Variants in SUFU observed in about 807,000 individuals in gnomAD.
SUFU encodes SUFU negative regulator of hedgehog signaling, also known as suppressor of fused homolog.
Under a neutral mutation model 58.9 loss-of-function variants are expected in SUFU, and 7 were observed. That is an observed-to-expected ratio of 0.12 (90% CI 0.07 to 0.22). The LOEUF (loss-of-function observed/expected upper bound fraction) is 0.22. Ranked by LOEUF, SUFU falls within the 10% of genes least tolerant of loss-of-function variation. The pLI is 1.00. For synonymous variants in SUFU, 232 were observed against 254.8 expected (o/e 0.91, Z 0.85); for missense variants, 451 against 641.3 (o/e 0.70, Z 3.20).
At chr10:102,610,123 TCC>T (rs2063606926) in intron 8 of SUFU, among the ~76,000 whole-genome samples, 1 of 152,102 alleles carries the variant, frequency 6.6e-6, no homozygotes, top group South Asian at 2.1e-4. Context: ...ACACCTGTAA[TCC>T]CAGCACTTTG....
At chr10:102,560,080 G>T (rs553239482) in intron 3 of SUFU, among the ~76,000 whole-genome samples, 1 of 152,266 alleles carries the variant, frequency 6.6e-6, no homozygotes, top group Non-Finnish European at 1.5e-5. Context: ...TGCTAACAGA[G>T]ATTTTTTTTT....
intron 3 of SUFU, among the ~76,000 whole-genome samples, chr10:102,583,047 G>A (rs11591571): frequency 0.26 from 39,760 of 152,036 alleles, 5,737 homozygotes; most frequent in South Asian, 0.35. Context: ...CTCTGAAGGG[G>A]CCAAGAGCTT....
At chr10:102,568,909 TATATATATATA>T (rs2063127012) in intron 3 of SUFU, among the ~76,000 whole-genome samples, 1 of 8,702 alleles carries the variant, frequency 1.1e-4, no homozygotes, top group Non-Finnish European at 2.7e-4. Context: ...TATATATATA[TATATATATATA>T]CACATATATA....
chr10:102,587,890 G>T (rs1340125857), intron 3 of SUFU, among the ~76,000 whole-genome samples: 3 of 152,116 alleles, frequency 2.0e-5, no homozygotes, highest in Non-Finnish European at 4.4e-5. Flanking sequence ...CCTAATCCAA[G>T]GTCAAAAGAT....
At chr10:102,568,962 A>C (rs11593710) in intron 3 of SUFU, among the ~76,000 whole-genome samples, 30,384 of 78,570 alleles carry the variant, frequency 0.39, 7,177 homozygotes, top group Middle Eastern at 0.55. Flanking sequence ...ATATATATAT[A>C]TCTATAGCAG....
At position 102,593,986 on chromosome 10, in the gene SUFU, T is replaced by TC. The variant is rs1319999296; in HGVS notation, c.684-5dup. On this transcript the variant is annotated splice_region_variant and splice_polypyrimidine_tract_variant and intron_variant, in intron 5 of 11. Transcript: ENST00000369902. Reference sequence around the variant, plus strand: ...GTTACCATTGTATCCCCTTTCCTTGTCCACAGTGCTGGCGGCCCCTGGCTG... The same window carrying TC: ...GTTACCATTGTATCCCCTTTCCTTGTCCCACAGTGCTGGCGGCCCCTGGCTG... 1 of 1,614,144 alleles carries TC rather than the reference T, an allele frequency of 6.2e-7. No homozygotes were observed. The highest frequency in any genetic ancestry group is 8.5e-7 in the Non-Finnish European group (1 of 1,179,994).
chr10:102,543,251 A>G (rs934534705), intron 2 of SUFU, among the ~76,000 whole-genome samples: 18 of 152,142 alleles, frequency 1.2e-4, no homozygotes, highest in African/African-American at 3.1e-4. Context: ...ATTTTTGCCA[A>G]TCTGATAGGT....
chr10:102,556,085 G>T (rs1015459056), intron 3 of SUFU, among the ~76,000 whole-genome samples: 6 of 152,164 alleles, frequency 3.9e-5, no homozygotes, highest in African/African-American at 9.7e-5. Flanking sequence ...AGTGACATCC[G>T]CAGTCCTACA....
intron 2 of SUFU, among the ~76,000 whole-genome samples, chr10:102,542,193 C>T (rs1293738675): frequency 5.9e-5 from 8 of 136,326 alleles, no homozygotes; most frequent in African/African-American, 2.2e-4. Flanking sequence ...AGTGCAGTGG[C>T]GTGATCTCGG....
At chr10:102,574,629 TAAATA>T (rs1326809829) in intron 3 of SUFU, among the ~76,000 whole-genome samples, 8 of 152,034 alleles carry the variant, frequency 5.3e-5, no homozygotes. Flanking sequence ...AGTAATAAAA[TAAATA>T]AAAGATACAA....
At chr10:102,511,333 A>G (rs1165184337) in intron 2 of SUFU, among the ~76,000 whole-genome samples, 1 of 151,954 alleles carries the variant, frequency 6.6e-6, no homozygotes, top group Non-Finnish European at 1.5e-5. Context: ...GTATTGTCAT[A>G]TCCTCTTCTG....
Position 102,630,275 on chromosome 10 carries a change from C to A in SUFU, c.*120C>A. On this transcript the variant is annotated 3_prime_UTR_variant, in exon 12 of 12. Transcript: ENST00000369902. ...AAGGACAAGTGTGAGGAAGACTGCG[C>A]AGTGCCACCCCGCAGCCCAGTGGGG... The A allele has an allele frequency of 1.1e-6, 1 of 905,598 alleles. No individual in the cohort carries two copies. Among genetic ancestry groups the A allele is most frequent in the Non-Finnish European group, 1.8e-6 (1 of 566,050 alleles). 56.1% of individuals were successfully genotyped at this position (905,598 alleles called of 1,614,324 possible). A position where few individuals can be genotyped will look rare whatever the true frequency, so the allele number is the denominator to read the frequency against.
intron 3 of SUFU, among the ~76,000 whole-genome samples, chr10:102,577,775 G>A (rs1266139409): frequency 1.1e-4 from 17 of 150,004 alleles, no homozygotes; most frequent in African/African-American, 4.1e-4. Context: ...CCGCCTCCCG[G>A]ATTCACGCCA....
intron 2 of SUFU, among the ~76,000 whole-genome samples, chr10:102,549,704 C>G (rs1258237299): frequency 6.6e-6 from 1 of 152,160 alleles, no homozygotes; most frequent in African/African-American, 2.4e-5. Context: ...ATTTGGAACT[C>G]ATAATTCAGA....
rs1345351350 is a variant in SUFU at position 102,625,967 on chromosome 10, T to A, written c.1297-1208T>A. On this transcript the variant is annotated intron_variant, in intron 10 of 11. Coordinates refer to ENST00000369902, the MANE Select transcript of SUFU (RefSeq NM_016169.4). The surrounding 1 kb of genome is among the most constrained non-coding windows in gnomAD (Gnocchi z 4.7). ...TATTTTTTCAAGTTCTCAATTCTCC[T>A]CCTCACAGGGAGGGTTTCCCCTCAG... is the stretch of plus-strand genomic sequence containing the variant. 6.6e-6 allele frequency among the ~76,000 whole-genome samples: 1 copy of A among 152,212 alleles called. No individual in the cohort carries two copies. Among genetic ancestry groups the A allele is most frequent in the African/African-American group, 2.4e-5 (1 of 41,446 alleles).
intron 3 of SUFU, among the ~76,000 whole-genome samples, chr10:102,569,767 T>C (rs1218249131): frequency 6.6e-6 from 1 of 152,188 alleles, no homozygotes; most frequent in Non-Finnish European, 1.5e-5. Context: ...CAGCCCCTTC[T>C]GGGTGCAACA....
chr10:102,531,138 C>T (rs907867975), intron 2 of SUFU, among the ~76,000 whole-genome samples: 4 of 151,500 alleles, frequency 2.6e-5, no homozygotes, highest in African/African-American at 9.7e-5. Flanking sequence ...ACATGTAGTC[C>T]CAGCTACTCA....
chr10:102,632,327 G>A lies in SUFU; in HGVS notation c.*2172G>A, dbSNP rs540579682. ...CAGGGTAAGGCAGGAGGAAGTGGGTGAGCTCCGAGATGATGAGCACATGAA... is the reference window on the plus strand; with the variant it reads ...CAGGGTAAGGCAGGAGGAAGTGGGTAAGCTCCGAGATGATGAGCACATGAA... On this transcript the variant is annotated 3_prime_UTR_variant, in exon 12 of 12. Coordinates refer to ENST00000369902, the MANE Select transcript of SUFU (RefSeq NM_016169.4). 2.5e-3 allele frequency: 588 copies of A among 233,350 alleles called. 6 individuals carry two copies. Among genetic ancestry groups the A allele is most frequent in the African/African-American group, 0.012 (533 of 45,454 alleles). 14.5% of individuals were successfully genotyped at this position (233,350 alleles called of 1,614,324 possible).
intron 2 of SUFU, among the ~76,000 whole-genome samples, chr10:102,535,234 C>T (rs969815060): frequency 7.2e-5 from 11 of 152,176 alleles, no homozygotes; most frequent in Non-Finnish European, 1.0e-4. Flanking sequence ...CGCCTGTAAT[C>T]CCAACACTCT....
Sources: gnomAD v4.1 joint callset for allele counts (sites outside exome capture counted in the v4.1 genomes callset) on GRCh38, gnomAD v4.1.1 for gene constraint, Gnocchi (gnomAD v3.1) non-coding constraint, MANE v1.5 for transcripts, NCBI Gene and HGNC (gene_info 2026-07-23, HGNC 2026-07-21) for gene names.